NEK3: variants seen among roughly 807,000 people sequenced by gnomAD.
NEK3 encodes the protein serine/threonine-protein kinase Nek3.
NEK3 carries 54 observed loss-of-function variants against 66.0 expected under a neutral mutation model. That is an observed-to-expected ratio of 0.82 (90% CI 0.66 to 1.03). The LOEUF is 1.03. Among genes scored for constraint, NEK3 ranks in the 50% least tolerant of loss-of-function variants. NEK3 has a pLI of 0.00. For missense variants in NEK3, 593 were observed against 603.0 expected (o/e 0.98, Z 0.17); for synonymous variants, 200 against 206.2 (o/e 0.97, Z 0.26).
chr13:52,153,751 G>A (rs1956366633), intron 4 of NEK3, 144 bp downstream of exon 4: 8 of 617,384 alleles, frequency 1.3e-5, no homozygotes, highest in South Asian at 4.1e-5. Flanking sequence ...GACACTAAGT[G>A]GTAACACCAA....
At chr13:52,142,157 G>T (rs1956256571) in intron 10 of NEK3, among the ~76,000 whole-genome samples, 3 of 151,828 alleles carry the variant, frequency 2.0e-5, no homozygotes, top group Admixed American at 6.6e-5. Context: ...AAATTTTTTT[G>T]TCTCTTTTTT....
At chr13:52,137,926 G>C (rs1053539908) in intron 11 of NEK3, among the ~76,000 whole-genome samples, 13 of 152,106 alleles carry the variant, frequency 8.5e-5, no homozygotes, top group African/African-American at 3.1e-4. Flanking sequence ...TTCATTTTGC[G>C]AACACATATT....
In NEK3 at chr13:52,151,343, G is replaced by C; in HGVS notation, c.443C>G (p.Ser148Cys). 1 of 1,598,564 alleles carries C rather than the reference G, an allele frequency of 6.3e-7. No individual in the cohort carries two copies. Among genetic ancestry groups the C allele is most frequent in the Non-Finnish European group, 8.5e-7 (1 of 1,172,124 alleles). Reference protein sequence around the residue: ...NGKVKLGDFGSARLLSNPMAF... With the variant: ...NGKVKLGDFGCARLLSNPMAF... ...TACATACTTGGAGAGAAGACGGGCA[G>C]ATCCAAAGTCTCCCAATTTCACTTT... Residue 148 changes from serine (S) to cysteine (C), a missense_variant, in exon 6 of 16, where the codon TCT (serine) becomes TGT (cysteine). By Grantham distance (112) the Ser-to-Cys change is moderately radical. Transcript: ENST00000610828.
intron 9 of NEK3, 53 bp downstream of exon 9, chr13:52,144,638 C>G: frequency 3.6e-6 from 5 of 1,405,994 alleles, no homozygotes; most frequent in Non-Finnish European, 5.0e-6. Flanking sequence ...GATAACAAAC[C>G]ATTTTACCAT....
intron 8 of NEK3, among the ~76,000 whole-genome samples, chr13:52,147,318 T>C (rs562374361): frequency 1.3e-5 from 2 of 152,280 alleles, no homozygotes; most frequent in South Asian, 2.1e-4. Context: ...CAGATACTTG[T>C]ACACCATTTG....
chr13:52,134,037 T>C (rs1956181222), intron 14 of NEK3, among the ~76,000 whole-genome samples: 1 of 152,100 alleles, frequency 6.6e-6, no homozygotes, highest in Non-Finnish European at 1.5e-5. Context: ...CAGTACTTTA[T>C]TCTTTTTTTT....
At chr13:52,140,102 A>T (rs1956235573) in intron 11 of NEK3, among the ~76,000 whole-genome samples, 1 of 147,406 alleles carries the variant, frequency 6.8e-6, no homozygotes, top group Admixed American at 6.8e-5. Flanking sequence ...GTAGTCCCAG[A>T]TACTTGGGAG....
At chr13:52,154,207 T>C (rs1234092278) in intron 2 of NEK3, 34 bp from the exon 3 acceptor site, 2 of 1,299,050 alleles carry the variant, frequency 1.5e-6, no homozygotes, top group East Asian at 2.4e-5. Context: ...ATAAACTTAA[T>C]ACTGCATTTT....
At chr13:52,142,346 G>A (rs948378040) in intron 10 of NEK3, among the ~76,000 whole-genome samples, 1 of 150,792 alleles carries the variant, frequency 6.6e-6, no homozygotes, top group African/African-American at 2.4e-5. Context: ...GCGCAATCTC[G>A]GCTCACTGCA....
chr13:52,156,046 C>A (rs891456645), intron 2 of NEK3, 29 bp downstream of exon 2: 5 of 1,427,300 alleles, frequency 3.5e-6, no homozygotes, highest in Non-Finnish European at 4.8e-6. Context: ...TGTATACTTT[C>A]AAAGTGAGCT....
intron 11 of NEK3, among the ~76,000 whole-genome samples, chr13:52,137,287 A>AG (rs1371862575): frequency 6.6e-6 from 1 of 152,194 alleles, no homozygotes; most frequent in East Asian, 1.9e-4. Context: ...TATAATATCA[A>AG]AATGAGATAT....
intron 7 of NEK3, among the ~76,000 whole-genome samples, chr13:52,149,737 C>G (rs368627928): frequency 9.9e-5 from 15 of 152,070 alleles, no homozygotes; most frequent in Non-Finnish European, 2.1e-4. Flanking sequence ...GGTGTGGCGG[C>G]GGGCGCCTGT....
chr13:52,144,926 A>G (rs940503158), intron 8 of NEK3, 35 bp from the exon 9 acceptor site: 1 of 1,424,052 alleles, frequency 7.0e-7, no homozygotes, highest in Non-Finnish European at 9.7e-7. Flanking sequence ...AAGCAGATAC[A>G]GGGGAAGAAA....
At chr13:52,133,272 A>C in intron 15 of NEK3, 46 bp from the exon 16 acceptor site, 1 of 1,435,320 alleles carries the variant, frequency 7.0e-7, no homozygotes, top group Non-Finnish European at 9.7e-7. Flanking sequence ...TTAGGGGCAC[A>C]GTATCTGTTG....
chr13:52,139,019 T>G (rs75856744), intron 11 of NEK3, among the ~76,000 whole-genome samples: 74 of 152,164 alleles, frequency 4.9e-4, no homozygotes, highest in African/African-American at 1.7e-3. Context: ...GTGACAACAC[T>G]GAAACATGGA....
intron 9 of NEK3, 52 bp from the exon 10 acceptor site, chr13:52,144,039 A>C (rs554610841): frequency 3.0e-6 from 3 of 985,624 alleles, no homozygotes; most frequent in Non-Finnish European, 4.5e-6. Flanking sequence ...TTTTCTATAG[A>C]TACTGCCGTG....
chr13:52,147,821 G>A (rs1011702774), intron 8 of NEK3, among the ~76,000 whole-genome samples: 7 of 151,950 alleles, frequency 4.6e-5, no homozygotes, highest in African/African-American at 1.7e-4. Flanking sequence ...CAAAAAAAAT[G>A]TCTCTAGTAA....
chr13:52,158,374 C>T (rs1179688421), intron 1 of NEK3, among the ~76,000 whole-genome samples: 2 of 152,070 alleles, frequency 1.3e-5, no homozygotes, highest in African/African-American at 4.8e-5. Flanking sequence ...ACATTGTCTT[C>T]GAAACAATGT....
chr13:52,154,615 T>C (rs112985828), intron 2 of NEK3, among the ~76,000 whole-genome samples: 5,988 of 151,818 alleles, frequency 0.039, 132 homozygotes, highest in South Asian at 0.064. Context: ...AGGAGTCCAC[T>C]GGTCCAGATA....
Sources: gnomAD v4.1 joint callset for allele counts (sites outside exome capture counted in the v4.1 genomes callset) on GRCh38, gnomAD v4.1.1 for gene constraint, MANE v1.5 for transcripts, NCBI Gene and HGNC (gene_info 2026-07-23, HGNC 2026-07-21) for gene names.